Variants in TNNI3K observed in about 807,000 individuals in gnomAD.
The protein encoded by TNNI3K is serine/threonine-protein kinase TNNI3K.
A neutral mutation model predicts 114.5 loss-of-function variants in TNNI3K; 140 were observed. The ratio of observed to expected loss-of-function variants is 1.22; its 90% CI spans 1.07 to 1.41. TNNI3K has a LOEUF of 1.41. Ranked by LOEUF, TNNI3K falls within the 40% of genes most tolerant of loss-of-function variation. TNNI3K has a pLI of 0.00. For missense variants in TNNI3K, 1,125 were observed against 1,007.6 expected, an observed-to-expected ratio of 1.12 and a Z score of -1.58; for synonymous variants, 347 against 347.5, an observed-to-expected ratio of 1.00 and a Z score of 0.02.
chr1:74,438,805 C>T (rs792881), intron 19 of TNNI3K, among the ~76,000 whole-genome samples: 141,219 of 152,196 alleles, frequency 0.93, 65,550 homozygotes, highest in East Asian at 0.97. Flanking sequence ...GAACTTTGTA[C>T]GGAGGGACTT....
intron 5 of TNNI3K, among the ~76,000 whole-genome samples, chr1:74,285,571 C>T (rs965905663): frequency 2.6e-5 from 4 of 152,104 alleles, no homozygotes; most frequent in African/African-American, 7.2e-5. Context: ...CCACCTGTTT[C>T]ATGAGCATAG....
intron 24 of TNNI3K, among the ~76,000 whole-genome samples, chr1:74,543,559 T>C (rs1263162556): frequency 6.6e-6 from 1 of 152,144 alleles, no homozygotes; most frequent in East Asian, 1.9e-4. Context: ...AGTCAGCAAG[T>C]AGTGGAATCC....
chr1:74,257,661 C>CCTTTTTTT lies in TNNI3K; in HGVS notation c.333+6892_333+6893insCTTTTTTT, dbSNP rs763279460. 5.1e-5 allele frequency among the ~76,000 whole-genome samples: 4 copies of CCTTTTTTT among 78,590 alleles called. 1 individual carries two copies. The highest frequency in any genetic ancestry group is 4.8e-4 in the South Asian group (1 of 2,072). 51.6% of individuals were successfully genotyped at this position (78,590 alleles called of 152,430 possible). ...GTTTGAACTTAGCCTCTTGGCTTAC[C>CCTTTTTTT]TCTTTTTTTTTTTTTTTTTTTTTTT... On this transcript the variant is annotated intron_variant, in intron 4 of 24. Coordinates refer to ENST00000326637, the MANE Select transcript of TNNI3K (RefSeq NM_015978.3).
intron 20 of TNNI3K, among the ~76,000 whole-genome samples, chr1:74,460,375 G>T (rs17095361): frequency 0.02 from 3,055 of 152,080 alleles, 39 homozygotes; most frequent in African/African-American, 0.026. Context: ...AAGTTCTATT[G>T]GATACTCCTA....
At chr1:74,417,682 TTGTGTGTGTGTGTG>T (rs10529693) in intron 17 of TNNI3K, among the ~76,000 whole-genome samples, 7,283 of 137,042 alleles carry the variant, frequency 0.053, 292 homozygotes, top group African/African-American at 0.12. Flanking sequence ...GTGTACGTGT[TTGTGTGTGTGTGTG>T]TGTGTGTGTG....
chr1:74,388,996 C>G (rs147852167), intron 17 of TNNI3K, among the ~76,000 whole-genome samples: 2 of 152,232 alleles, frequency 1.3e-5, no homozygotes, highest in African/African-American at 4.8e-5. Flanking sequence ...ATCCTCAAAG[C>G]ACTCATGCAA....
At chr1:74,479,201 G>A (rs1668355135) in intron 21 of TNNI3K, among the ~76,000 whole-genome samples, 1 of 152,048 alleles carries the variant, frequency 6.6e-6, no homozygotes, top group South Asian at 2.1e-4. Flanking sequence ...CAGGTGCAGA[G>A]GATTTCACCA....
chr1:74,431,101 C>T (rs1557561374), intron 17 of TNNI3K, among the ~76,000 whole-genome samples: 1 of 152,136 alleles, frequency 6.6e-6, no homozygotes. Flanking sequence ...ACTTATTTAG[C>T]AGTTCAGAAT....
At chr1:74,370,416 C>A in intron 17 of TNNI3K, 24 bp downstream of exon 17, 1 of 1,584,266 alleles carries the variant, frequency 6.3e-7, no homozygotes, top group Non-Finnish European at 8.6e-7. Context: ...AAATAATGAA[C>A]TCAGAAGGGT....
rs1237455235 is a variant in TNNI3K at position 74,410,822 on chromosome 1, C to G, written c.1773-25258C>G. Among the ~76,000 whole-genome samples the G allele has an allele frequency of 2.6e-5, 4 of 152,130 alleles. No homozygotes were observed. In the East Asian group the frequency reaches 5.8e-4, roughly 22 times the overall value. ...TATGGTGCTCTCAAAATCAGTGGTGCCTTATGAGGAATCACAGCCTGAGAC... is the reference window on the plus strand; with the variant it reads ...TATGGTGCTCTCAAAATCAGTGGTGGCTTATGAGGAATCACAGCCTGAGAC... On this transcript the variant is annotated intron_variant, in intron 17 of 24. Transcript: ENST00000326637.
intron 5 of TNNI3K, among the ~76,000 whole-genome samples, chr1:74,283,227 C>A (rs1284415229): frequency 1.3e-5 from 2 of 152,066 alleles, no homozygotes; most frequent in African/African-American, 4.8e-5. Context: ...GGAGTTGAAA[C>A]CATAAACTCT....
intron 5 of TNNI3K, among the ~76,000 whole-genome samples, chr1:74,283,188 T>G (rs985264867): frequency 1.3e-5 from 2 of 152,196 alleles, no homozygotes; most frequent in African/African-American, 4.8e-5. Context: ...ACACTGCATA[T>G]TCTGTGGCAT....
chr1:74,380,153 A>G (rs1441396545), intron 17 of TNNI3K, among the ~76,000 whole-genome samples: 2 of 152,102 alleles, frequency 1.3e-5, no homozygotes, highest in Admixed American at 1.3e-4. Flanking sequence ...CCAGACAGAC[A>G]AATTCCCCAA....
At chr1:74,252,899 T>C (rs1488045945) in intron 4 of TNNI3K, among the ~76,000 whole-genome samples, 2 of 152,194 alleles carry the variant, frequency 1.3e-5, no homozygotes, top group African/African-American at 4.8e-5. Context: ...CCCGAGTGGG[T>C]TGCCACTGCT....
At chr1:74,240,167 G>T in intron 2 of TNNI3K, 1 of 197,734 alleles carries the variant, frequency 5.1e-6, no homozygotes, top group South Asian at 8.7e-5. Flanking sequence ...ATTAAAGGCA[G>T]CTTTTTTTCT....
chr1:74,249,245 C>G (rs977480803), intron 2 of TNNI3K, among the ~76,000 whole-genome samples: 4 of 151,670 alleles, frequency 2.6e-5, no homozygotes, highest in Non-Finnish European at 2.9e-5. Context: ...AGTGTTATTT[C>G]TGGTGACATC....
chr1:74,477,781 A>G (rs274587), intron 21 of TNNI3K, among the ~76,000 whole-genome samples: 69,332 of 152,058 alleles, frequency 0.46, 17,790 homozygotes, highest in East Asian at 0.67. Flanking sequence ...GGCAGGCGGA[A>G]TGTGCTATTA....
At chr1:74,499,381 T>A (rs1217999122) in intron 23 of TNNI3K, among the ~76,000 whole-genome samples, 2 of 152,178 alleles carry the variant, frequency 1.3e-5, no homozygotes, top group African/African-American at 4.8e-5. Flanking sequence ...GTTAAATGAT[T>A]CAGCTTCCTA....
chr1:74,526,369 GA>G (rs755034081), intron 23 of TNNI3K, among the ~76,000 whole-genome samples: 5 of 152,108 alleles, frequency 3.3e-5, no homozygotes, highest in Non-Finnish European at 7.4e-5. Context: ...TTGGTTTTGT[GA>G]TTTTTATTTA....
Sources: gnomAD v4.1 joint callset for allele counts (sites outside exome capture counted in the v4.1 genomes callset) on GRCh38, gnomAD v4.1.1 for gene constraint, MANE v1.5 for transcripts, NCBI Gene and HGNC (gene_info 2026-07-23, HGNC 2026-07-21) for gene names.